AGAP1: variants seen among roughly 807,000 people sequenced by gnomAD.
The protein encoded by AGAP1 is arf-GAP with GTPase, ANK repeat and PH domain-containing protein 1.
In AGAP1, 29 loss-of-function variants were observed where a neutral mutation model predicts 105.3. That is an observed-to-expected ratio of 0.28 (90% CI 0.21 to 0.38). The LOEUF (loss-of-function observed/expected upper bound fraction) is 0.38, where lower values mean the gene tolerates loss of function less well. Ranked by LOEUF, AGAP1 falls within the 10% of genes least tolerant of loss-of-function variation. AGAP1 has a pLI of 1.00. For synonymous variants in AGAP1, 509 were observed against 485.9 expected, an observed-to-expected ratio of 1.05 and a Z score of -0.63; for missense variants, 998 against 1,165.1, an observed-to-expected ratio of 0.86 and a Z score of 2.09.
chr2:235,648,549 A>G lies in AGAP1; in HGVS notation c.164-60630A>G, dbSNP rs564813816. Among the ~76,000 whole-genome samples, 9 of 152,192 alleles carry G rather than the reference A, an allele frequency of 5.9e-5. 1 individual carries two copies. The South Asian group carries it at 1.9e-3, about 32-fold the overall frequency. ...CTATTCACACTGTACATTCAGCCAC[A>G]GCTGGAAACCTCATCTTCCTCTTCC... is the stretch of plus-strand genomic sequence containing the variant. On this transcript the variant is annotated intron_variant, in intron 1 of 17. Transcript: ENST00000304032.
In AGAP1 at chr2:235,625,015, A is replaced by G. The variant is rs185311256; in HGVS notation, c.164-84164A>G. 9.2e-4 allele frequency among the ~76,000 whole-genome samples: 140 copies of G among 152,222 alleles called. No individual in the cohort carries two copies. Among genetic ancestry groups the G allele is most frequent in the South Asian group, 3.9e-3 (19 of 4,822 alleles). On this transcript the variant is annotated intron_variant, in intron 1 of 17. Transcript: ENST00000304032. The surrounding 1 kb of genome is among the most constrained non-coding windows in gnomAD (Gnocchi z 4.0). ...AACAGATGCTGATGCCATGCTTTCT[A>G]TACACTCTGCAGAACCGTGTGCCAA...
In AGAP1 at chr2:235,741,897, G is replaced by A. The variant is rs1952611585; in HGVS notation, c.396+849G>A. Among the ~76,000 whole-genome samples the A allele has an allele frequency of 6.6e-6, 1 of 151,856 alleles. No homozygotes were observed. Among genetic ancestry groups the A allele is most frequent in the Non-Finnish European group, 1.5e-5 (1 of 67,956 alleles). On this transcript the variant is annotated intron_variant, in intron 4 of 17. Transcript: ENST00000304032. This position sits in a 1 kb window ranked among gnomAD's most constrained non-coding sequence, Gnocchi z 4.9. ...GCCTCCTGAGTAGCTGGGACTACGG[G>A]CGCCTGCTACCACGCCTGGCTAATT... is the stretch of plus-strand genomic sequence containing the variant.
At chr2:236,017,107 G>A (rs943369464) in intron 13 of AGAP1, among the ~76,000 whole-genome samples, 8 of 151,532 alleles carry the variant, frequency 5.3e-5, no homozygotes, top group Admixed American at 1.3e-4. Flanking sequence ...TGGCCAACAC[G>A]GTGAAACCCC....
chr2:235,707,272 C>G (rs1391209679), intron 1 of AGAP1, among the ~76,000 whole-genome samples: 1 of 152,208 alleles, frequency 6.6e-6, no homozygotes, highest in Non-Finnish European at 1.5e-5. Flanking sequence ...TCTGCTCTGC[C>G]AGCTGGACAG....
intron 16 of AGAP1, among the ~76,000 whole-genome samples, chr2:236,063,022 C>A (rs1158432359): frequency 2.0e-5 from 3 of 152,068 alleles, no homozygotes; most frequent in Non-Finnish European, 2.9e-5. Context: ...TCCTGGCCTC[C>A]AGTGATCCTC....
intron 1 of AGAP1, among the ~76,000 whole-genome samples, 181 bp downstream of exon 1, chr2:235,495,030 C>T (rs889894073): frequency 6.6e-6 from 1 of 152,134 alleles, no homozygotes; most frequent in African/African-American, 2.4e-5. Context: ...TGCGCCCCGC[C>T]GCGCCGCGAG....
rs550789239 is a variant in AGAP1, at chr2:235,964,952, G to A, written c.1484-3510G>A. Among the ~76,000 whole-genome samples, 1 of 152,190 alleles carries A rather than the reference G, an allele frequency of 6.6e-6. No homozygotes were observed. Among genetic ancestry groups the A allele is most frequent in the Non-Finnish European group, 1.5e-5 (1 of 68,036 alleles). On this transcript the variant is annotated intron_variant, in intron 12 of 17. Transcript: ENST00000304032. This position sits in a 1 kb window ranked among gnomAD's most constrained non-coding sequence, Gnocchi z 4.6. ...CAGGCTGAGCTCGAGGTCCCAGGCTGCTCAAGGCAAGGGAAGTGTCTTATT... is the reference window on the plus strand; with the variant it reads ...CAGGCTGAGCTCGAGGTCCCAGGCTACTCAAGGCAAGGGAAGTGTCTTATT...
chr2:235,529,165 C>T (rs1942957228), intron 1 of AGAP1, among the ~76,000 whole-genome samples: 1 of 152,206 alleles, frequency 6.6e-6, no homozygotes, highest in Non-Finnish European at 1.5e-5. Flanking sequence ...GACAGAGCCC[C>T]TGTGGCCAGG....
chr2:236,006,528 A>G (rs1332968655), intron 13 of AGAP1, among the ~76,000 whole-genome samples: 1 of 152,254 alleles, frequency 6.6e-6, no homozygotes, highest in Non-Finnish European at 1.5e-5. Context: ...AACAGATTTC[A>G]TATTCTTACT....
chr2:235,994,936 A>G lies in AGAP1; in HGVS notation c.1645+26313A>G, dbSNP rs1051664489. Among the ~76,000 whole-genome samples, 2 of 150,878 alleles carry G rather than the reference A, an allele frequency of 1.3e-5. No homozygotes were observed. Among genetic ancestry groups the G allele is most frequent in the Admixed American group, 6.6e-5 (1 of 15,158 alleles). ...AAAAACATTAGCCAAGCGTGGTGGT[A>G]GGCGCCTGTAATCGCAGCTACTTGG... On this transcript the variant is annotated intron_variant, in intron 13 of 17. Transcript: ENST00000304032. This position sits in a 1 kb window ranked among gnomAD's most constrained non-coding sequence, Gnocchi z 4.4.
rs11686292 is a variant in AGAP1, at chr2:235,551,957, T to C, written c.163+57108T>C. On this transcript the variant is annotated intron_variant, in intron 1 of 17. Transcript: ENST00000304032. The surrounding 1 kb of genome is among the most constrained non-coding windows in gnomAD (Gnocchi z 4.8). ...TTCTCCTGGTTAATTTTACCGTCTTTTAAAAAGGAAGTTCACAAGATTTCT... is the reference window on the plus strand; with the variant it reads ...TTCTCCTGGTTAATTTTACCGTCTTCTAAAAAGGAAGTTCACAAGATTTCT... Among the ~76,000 whole-genome samples the C allele has an allele frequency of 0.25, 37,360 of 152,088 alleles. 5,134 individuals are homozygous for C. The highest frequency in any genetic ancestry group is 0.45 in the East Asian group (2,303 of 5,160).
chr2:235,886,710 C>T (rs2050292794), intron 10 of AGAP1, among the ~76,000 whole-genome samples: 1 of 152,208 alleles, frequency 6.6e-6, no homozygotes, highest in Non-Finnish European at 1.5e-5. Flanking sequence ...ATTTTTGATG[C>T]AGGTACGTAG....
intron 1 of AGAP1, among the ~76,000 whole-genome samples, chr2:235,498,260 A>G (rs373534658): frequency 9.9e-5 from 15 of 152,230 alleles, no homozygotes; most frequent in Non-Finnish European, 2.1e-4. Flanking sequence ...AGAAGAGAAC[A>G]GTTTTTTTCC....
In AGAP1 at chr2:235,662,054, G is replaced by C. The variant is rs997360124; in HGVS notation, c.164-47125G>C. On this transcript the variant is annotated intron_variant, in intron 1 of 17. Transcript: ENST00000304032. The surrounding 1 kb of genome is among the most constrained non-coding windows in gnomAD (Gnocchi z 4.2). ...GTGAGTTGGGGTATGGCCATAGGAG[G>C]GGGCTCCAGGAATTCAGGGAAGGAA... Among the ~76,000 whole-genome samples, 2 of 152,160 alleles carry C rather than the reference G, an allele frequency of 1.3e-5. No homozygotes were observed. The highest frequency in any genetic ancestry group is 2.4e-5 in the African/African-American group (1 of 41,428).
In AGAP1 at chr2:235,706,512, C is replaced by T. The variant is rs566859085; in HGVS notation, c.164-2667C>T. Among the ~76,000 whole-genome samples, 3 of 152,288 alleles carry T rather than the reference C, an allele frequency of 2.0e-5. No individual in the cohort carries two copies. The South Asian group carries it at 6.2e-4, about 32-fold the overall frequency. Reference sequence around the variant, plus strand: ...CAAATTACAGGCCTGAGCCACCGCGCCCGGCCAAGCGTATACATATTTTGC... The same window carrying T: ...CAAATTACAGGCCTGAGCCACCGCGTCCGGCCAAGCGTATACATATTTTGC... On this transcript the variant is annotated intron_variant, in intron 1 of 17. Transcript: ENST00000304032.
intron 16 of AGAP1, among the ~76,000 whole-genome samples, chr2:236,098,636 T>C (rs1432408703): frequency 3.7e-5 from 5 of 135,710 alleles, no homozygotes; most frequent in Non-Finnish European, 8.0e-5. Flanking sequence ...TTTTTTTTTT[T>C]TTTAGAGAAA....
At chr2:235,587,075 G>C (rs1945135546) in intron 1 of AGAP1, among the ~76,000 whole-genome samples, 1 of 152,180 alleles carries the variant, frequency 6.6e-6, no homozygotes, top group Non-Finnish European at 1.5e-5. Context: ...ATGAGTCAGT[G>C]GTTTGAATTG....
intron 1 of AGAP1, among the ~76,000 whole-genome samples, chr2:235,607,319 T>C (rs1945977439): frequency 6.6e-6 from 1 of 152,262 alleles, no homozygotes; most frequent in East Asian, 1.9e-4. Flanking sequence ...TATTCCATTG[T>C]GTGCTAAAAA....
rs1349870234 is a variant in AGAP1 at position 235,689,192 on chromosome 2, A to T, written c.164-19987A>T. ...CTGGCCCTTGTGCTGCCTTCGGTAG[A>T]TGGCCCCGGCCCTGCCTATGCCTTG... On this transcript the variant is annotated intron_variant, in intron 1 of 17. Coordinates refer to ENST00000304032, the MANE Select transcript of AGAP1 (RefSeq NM_001037131.3). The surrounding 1 kb of genome is among the most constrained non-coding windows in gnomAD (Gnocchi z 4.2). Among the ~76,000 whole-genome samples the T allele has an allele frequency of 6.6e-6, 1 of 152,188 alleles. No individual in the cohort carries two copies. The highest frequency in any genetic ancestry group is 1.5e-5 in the Non-Finnish European group (1 of 68,038).
Sources: gnomAD v4.1 joint callset for allele counts (sites outside exome capture counted in the v4.1 genomes callset) on GRCh38, gnomAD v4.1.1 for gene constraint, Gnocchi (gnomAD v3.1) non-coding constraint, MANE v1.5 for transcripts, NCBI Gene and HGNC (gene_info 2026-07-23, HGNC 2026-07-21) for gene names.